Variants in PARD3B observed in about 807,000 individuals in gnomAD.
PARD3B encodes partitioning defective 3 homolog B.
In PARD3B, 103 loss-of-function variants were observed where a neutral mutation model predicts 130.2. The ratio of observed to expected loss-of-function variants is 0.79; its 90% CI spans 0.67 to 0.93. PARD3B has a LOEUF of 0.93. PARD3B is among the 40% of genes least tolerant of loss of function. The pLI is 0.00. For synonymous variants in PARD3B, 583 were observed against 553.2 expected (o/e 1.05, Z -0.76); for missense variants, 1,609 against 1,499.2 (o/e 1.07, Z -1.21).
intron 1 of PARD3B, among the ~76,000 whole-genome samples, chr2:204,601,382 G>A (rs1055532370): frequency 6.6e-6 from 1 of 151,850 alleles, no homozygotes; most frequent in African/African-American, 2.4e-5. Context: ...CTTTGCAGTG[G>A]TTAGGTCTTA....
chr2:205,336,418 G>T (rs999324140), intron 18 of PARD3B, among the ~76,000 whole-genome samples: 2 of 152,150 alleles, frequency 1.3e-5, no homozygotes, highest in Non-Finnish European at 2.9e-5. Context: ...TTCCCCAGGG[G>T]CAACATTTAT....
rs1245505008 is a variant in PARD3B at position 204,998,440 on chromosome 2, G to A, written c.394+33117G>A. Among the ~76,000 whole-genome samples, 175 of 17,302 alleles carry A rather than the reference G, an allele frequency of 0.01. No individual in the cohort carries two copies. The East Asian group carries it at 0.26, about 26-fold the overall frequency. The allele number at this position is 17,302 out of a possible 152,430, so 11.4% of individuals were successfully genotyped here. On this transcript the variant is annotated intron_variant, in intron 3 of 22. Coordinates refer to ENST00000406610, the MANE Select transcript of PARD3B (RefSeq NM_001302769.2). ...TGTATATATGTGTATATATATGTGTGTGTATATATATGTGTATATTATATA... is the reference window on the plus strand; with the variant it reads ...TGTATATATGTGTATATATATGTGTATGTATATATATGTGTATATTATATA...
At chr2:204,782,757 G>A (rs1277380688) in intron 2 of PARD3B, among the ~76,000 whole-genome samples, 2 of 151,776 alleles carry the variant, frequency 1.3e-5, no homozygotes, top group Non-Finnish European at 2.9e-5. Flanking sequence ...TTTCAAATAG[G>A]CAATGTATTA....
chr2:204,742,444 A>G (rs2040048095), intron 2 of PARD3B, among the ~76,000 whole-genome samples: 1 of 152,144 alleles, frequency 6.6e-6, no homozygotes. Context: ...GAAGAAGGTG[A>G]GGAGAAAGGG....
At chr2:205,310,726 T>TC (rs1312185824) in intron 18 of PARD3B, among the ~76,000 whole-genome samples, 3 of 131,148 alleles carry the variant, frequency 2.3e-5, no homozygotes, top group Non-Finnish European at 4.9e-5. Flanking sequence ...TTTCTTTTTT[T>TC]TTTTTTTTTT....
Position 204,965,174 on chromosome 2 carries a change from A to C in PARD3B, c.245A>C (p.Gln82Pro), listed in dbSNP as rs777582828. 6 of 1,613,674 alleles carry C rather than the reference A, an allele frequency of 3.7e-6. No individual in the cohort carries two copies. The African/African-American group carries it at 5.3e-5, about 14-fold the overall frequency. Residue 82 changes from glutamine (Q) to proline (P), a missense_variant, in exon 3 of 23, where the codon CAA becomes CCA. Coordinates refer to ENST00000406610, the MANE Select transcript of PARD3B (RefSeq NM_001302769.2). ...KDKLIAVFEE[Q>P]EPLHKIESPS... is the part of the protein sequence containing the mutation. ...TAGCTGATTGCTGTGTTTGAAGAAC[A>C]AGAACCACTCCACAAGATTGAGAGC...
At position 205,091,365 on chromosome 2, in the gene PARD3B, T is replaced by G. The variant is rs896343230; in HGVS notation, c.505-13061T>G. Among the ~76,000 whole-genome samples, 1 of 152,118 alleles carries G rather than the reference T, an allele frequency of 6.6e-6. No homozygotes were observed. On this transcript the variant is annotated intron_variant, in intron 4 of 22. Coordinates refer to ENST00000406610, the MANE Select transcript of PARD3B (RefSeq NM_001302769.2). The surrounding 1 kb of genome is among the most constrained non-coding windows in gnomAD (Gnocchi z 4.2). ...GGAGGTTTGTATGTGGAGTGATGTA[T>G]TTTCAAAGAGGCTCCAGAAAAGATC...
intron 4 of PARD3B, among the ~76,000 whole-genome samples, chr2:205,065,502 G>C (rs1486356879): frequency 6.6e-6 from 1 of 152,094 alleles, no homozygotes; most frequent in Non-Finnish European, 1.5e-5. Flanking sequence ...TTTGGTTCTA[G>C]TTTGTTTGTT....
At chr2:204,753,758 A>C (rs2040556431) in intron 2 of PARD3B, among the ~76,000 whole-genome samples, 1 of 152,134 alleles carries the variant, frequency 6.6e-6, no homozygotes, top group Non-Finnish European at 1.5e-5. Flanking sequence ...ACTTTATTCA[A>C]AATGAAATGG....
In PARD3B at chr2:205,125,288, G is replaced by A. The variant is rs2031246593; in HGVS notation, c.1306-321G>A. On this transcript the variant is annotated intron_variant, in intron 9 of 22. Transcript: ENST00000406610. The surrounding 1 kb of genome is among the most constrained non-coding windows in gnomAD (Gnocchi z 4.0). ...TGCTTGTTGAATTAGGCAGAAAATG[G>A]CGCTAAGTAAGCCTTTGCAATCTGC... is the stretch of plus-strand genomic sequence containing the variant. 1.3e-5 allele frequency among the ~76,000 whole-genome samples: 2 copies of A among 152,136 alleles called. No homozygotes were observed. The highest frequency in any genetic ancestry group is 2.9e-5 in the Non-Finnish European group (2 of 68,022).
intron 3 of PARD3B, among the ~76,000 whole-genome samples, chr2:205,020,452 GT>G (rs1408294385): frequency 4.6e-5 from 7 of 152,044 alleles, no homozygotes; most frequent in African/African-American, 1.4e-4. Flanking sequence ...TCTTTGTTGA[GT>G]TAAATAAGAG....
At chr2:205,432,643 A>G (rs2047378299) in intron 19 of PARD3B, among the ~76,000 whole-genome samples, 1 of 152,090 alleles carries the variant, frequency 6.6e-6, no homozygotes, top group South Asian at 2.1e-4. Context: ...CTTTCCTTTA[A>G]GTAAATTTAG....
intron 15 of PARD3B, among the ~76,000 whole-genome samples, chr2:205,236,410 T>A (rs1013258069): frequency 2.3e-5 from 1 of 43,622 alleles, no homozygotes; most frequent in African/African-American, 9.5e-5. Flanking sequence ...ATTGATATCC[T>A]TCTTGAATTG....
rs1696644563 is a variant in PARD3B, at chr2:205,021,954, A to C, written c.395-25627A>C. On this transcript the variant is annotated intron_variant, in intron 3 of 22. Coordinates refer to ENST00000406610, the MANE Select transcript of PARD3B (RefSeq NM_001302769.2). The surrounding 1 kb of genome is among the most constrained non-coding windows in gnomAD (Gnocchi z 4.5). ...GGAAAAGAAAATCCAAATACTCCAA[A>C]AAATCCAATGCAAAAACTCCAAAAT... Among the ~76,000 whole-genome samples the C allele has an allele frequency of 6.6e-6, 1 of 152,144 alleles. No individual in the cohort carries two copies. Among genetic ancestry groups the C allele is most frequent in the Non-Finnish European group, 1.5e-5 (1 of 68,022 alleles).
intron 5 of PARD3B, among the ~76,000 whole-genome samples, chr2:205,109,529 A>T (rs1405468540): frequency 6.6e-6 from 1 of 152,118 alleles, no homozygotes; most frequent in African/African-American, 2.4e-5. Flanking sequence ...TAACAATCAT[A>T]CTAATAGCAG....
chr2:205,390,527 G>A (rs904865323), intron 18 of PARD3B, among the ~76,000 whole-genome samples: 1 of 152,138 alleles, frequency 6.6e-6, no homozygotes, highest in Admixed American at 6.5e-5. Context: ...GGGCATCAAA[G>A]AAGTGATAAT....
At chr2:205,380,418 GAA>G (rs1300154988) in intron 18 of PARD3B, among the ~76,000 whole-genome samples, 1 of 33,106 alleles carries the variant, frequency 3.0e-5, no homozygotes, top group South Asian at 1.3e-3. Flanking sequence ...AATATATAAA[GAA>G]TATATATTAT....
intron 2 of PARD3B, among the ~76,000 whole-genome samples, chr2:204,911,009 G>T (rs2047215902): frequency 6.6e-6 from 1 of 152,138 alleles, no homozygotes; most frequent in South Asian, 2.1e-4. Context: ...CTAATAATTT[G>T]ATATTAAATG....
chr2:204,905,670 C>G (rs2047017949), intron 2 of PARD3B, among the ~76,000 whole-genome samples: 1 of 152,044 alleles, frequency 6.6e-6, no homozygotes, highest in Admixed American at 6.6e-5. Flanking sequence ...AGGGACTGAC[C>G]AAGTGGGTGG....
Sources: gnomAD v4.1 joint callset for allele counts (sites outside exome capture counted in the v4.1 genomes callset) on GRCh38, gnomAD v4.1.1 for gene constraint, Gnocchi (gnomAD v3.1) non-coding constraint, MANE v1.5 for transcripts, NCBI Gene and HGNC (gene_info 2026-07-23, HGNC 2026-07-21) for gene names.